Variants in VSIG10 observed in about 807,000 individuals in gnomAD.
VSIG10 encodes the protein V-set and immunoglobulin domain-containing protein 10.
In VSIG10, 48 loss-of-function variants were observed where a neutral mutation model predicts 58.7. The observed-to-expected ratio is 0.82, with a 90% confidence interval of 0.65 to 1.04. VSIG10 has a LOEUF of 1.04. Among genes scored for constraint, VSIG10 ranks in the 50% least tolerant of loss-of-function variants. The pLI, the probability that VSIG10 is intolerant of heterozygous loss-of-function variation, is 0.00. For synonymous variants in VSIG10, 260 were observed against 267.1 expected, an observed-to-expected ratio of 0.97 and a Z score of 0.26; for missense variants, 628 against 670.0, an observed-to-expected ratio of 0.94 and a Z score of 0.69.
Position 118,068,490 on chromosome 12 carries a change from C to A in VSIG10, c.1454G>T (p.Arg485Leu). The change falls in exon 8 of 9, where the codon CGT becomes CTT. Residue 485 changes from arginine (R) to leucine (L), a missense_variant. Transcript: ENST00000359236. ...TTCTTTTGGCAACTCCTCTCTCTCACGTGCTCCCTCCTGTTCCCCTACTGC... is the reference window on the plus strand; with the variant it reads ...TTCTTTTGGCAACTCCTCTCTCTCAAGTGCTCCCTCCTGTTCCCCTACTGC... ...DAAVGEQEGA[R>L]EREELPKEIP... The A allele has an allele frequency of 6.2e-7, 1 of 1,613,558 alleles. No homozygotes were observed. Among genetic ancestry groups the A allele is most frequent in the Non-Finnish European group, 8.5e-7 (1 of 1,179,846 alleles).
intron 1 of VSIG10, 106 bp from the exon 2 acceptor site, chr12:118,095,920 GTTC>G (rs2033438753): frequency 4.0e-6 from 3 of 749,456 alleles, no homozygotes; most frequent in Admixed American, 4.1e-5. Flanking sequence ...TCAGGTATAT[GTTC>G]TTTTTTTTTT....
At position 118,079,590 on chromosome 12, in the gene VSIG10, A is replaced by G; in HGVS notation, c.681T>C (p.Ala227=). The stretch of plus-strand genomic sequence containing the variant: ...ATGCCATCTGTGCCCAGCACTGGGG[A>G]GCTGATGGAGGGGGATCTGCAAAAC... ...ELLVYYPPPS[A]PQCWAQMASG... is the part of the protein sequence containing the mutation. The change falls in exon 4 of 9, where the codon GCT becomes GCC. Residue 227 remains alanine, a synonymous_variant. Coordinates refer to ENST00000359236, the MANE Select transcript of VSIG10 (RefSeq NM_019086.6). 1 of 1,613,904 alleles carries G rather than the reference A, an allele frequency of 6.2e-7. No individual in the cohort carries two copies. Among genetic ancestry groups the G allele is most frequent in the Non-Finnish European group, 8.5e-7 (1 of 1,179,868 alleles).
chr12:118,083,849 C>T (rs147526958), intron 2 of VSIG10, among the ~76,000 whole-genome samples: 5 of 151,162 alleles, frequency 3.3e-5, no homozygotes, highest in African/African-American at 9.7e-5. Flanking sequence ...TGGCCAGGGA[C>T]GGTGGCTCAT....
chr12:118,074,068 CA>C (rs1477292121), intron 4 of VSIG10, 76 bp from the exon 5 acceptor site: 9 of 1,390,772 alleles, frequency 6.5e-6, no homozygotes, highest in Non-Finnish European at 8.6e-6. Flanking sequence ...AGGAAAACTG[CA>C]GTAGTTTTTT....
intron 4 of VSIG10, among the ~76,000 whole-genome samples, chr12:118,077,092 T>G (rs1037763101): frequency 6.6e-6 from 1 of 152,196 alleles, no homozygotes; most frequent in African/African-American, 2.4e-5. Context: ...TATTAGGGTT[T>G]GGACTTGAAC....
intron 1 of VSIG10, among the ~76,000 whole-genome samples, chr12:118,096,118 G>T (rs2033448052): frequency 6.6e-6 from 1 of 151,778 alleles, no homozygotes; most frequent in Non-Finnish European, 1.5e-5. Flanking sequence ...AAGGGACAGG[G>T]TTTCACCACC....
intron 5 of VSIG10, 125 bp from the exon 6 acceptor site, chr12:118,071,594 C>A: frequency 1.2e-6 from 1 of 804,842 alleles, no homozygotes; most frequent in Non-Finnish European, 2.1e-6. Context: ...GGCTTATGAC[C>A]TGTCTGTAAT....
rs1249395251 is a variant in VSIG10, at chr12:118,068,487, TCA to T, written c.1455_1456del (p.Glu488GlyfsTer8). On this transcript the variant is annotated frameshift_variant, in exon 8 of 9. Transcript: ENST00000359236. LOFTEE classifies it high-confidence loss of function. ...TATTTCTTTTGGCAACTCCTCTCTC[TCA>T]CGTGCTCCCTCCTGTTCCCCTACTG... 1 of 1,613,568 alleles carries T rather than the reference TCA, an allele frequency of 6.2e-7. No individual in the cohort carries two copies. The highest frequency in any genetic ancestry group is 1.3e-5 in the African/African-American group (1 of 74,772).
intron 1 of VSIG10, among the ~76,000 whole-genome samples, chr12:118,097,347 C>T (rs2033491239): frequency 6.6e-6 from 1 of 152,236 alleles, no homozygotes; most frequent in Admixed American, 6.5e-5. Flanking sequence ...GGAGCCGTGG[C>T]TCATGCCTGT....
In VSIG10 at chr12:118,064,110, CT is replaced by C. The variant is rs1233087642; in HGVS notation, c.*2528del. 1.3e-5 allele frequency: 2 copies of C among 152,182 alleles called. No homozygotes were observed. Among genetic ancestry groups the C allele is most frequent in the Non-Finnish European group, 2.9e-5 (2 of 68,038 alleles). 9.4% of individuals were successfully genotyped at this position (152,182 alleles called of 1,614,324 possible). On this transcript the variant is annotated 3_prime_UTR_variant, in exon 9 of 9. Transcript: ENST00000359236. ...AACAACTTGGACTTTGCCACACAAA[CT>C]GTAATCCACTGTCAACAAGCTTGTG...
intron 4 of VSIG10, among the ~76,000 whole-genome samples, chr12:118,077,523 T>C (rs1182339520): frequency 6.6e-6 from 1 of 152,180 alleles, no homozygotes; most frequent in Non-Finnish European, 1.5e-5. Flanking sequence ...TTTGTGGTTT[T>C]AATATGTACA....
rs993752735 is a variant in VSIG10 at position 118,065,000 on chromosome 12, G to A, written c.*1639C>T. 4 of 152,182 alleles carry A rather than the reference G, an allele frequency of 2.6e-5. No individual in the cohort carries two copies. Among genetic ancestry groups the A allele is most frequent in the Non-Finnish European group, 4.4e-5 (3 of 68,046 alleles). 9.4% of individuals were successfully genotyped at this position (152,182 alleles called of 1,614,324 possible). A position where few individuals can be genotyped will look rare whatever the true frequency, so the allele number is the denominator to read the frequency against. On this transcript the variant is annotated 3_prime_UTR_variant, in exon 9 of 9. Coordinates refer to ENST00000359236, the MANE Select transcript of VSIG10 (RefSeq NM_019086.6). Reference sequence around the variant, plus strand: ...TTTTCATATTTAGCAAACATCCATTGCACCCTTATAAGGTCCTCGACTTTA... The same window carrying A: ...TTTTCATATTTAGCAAACATCCATTACACCCTTATAAGGTCCTCGACTTTA...
rs1030344556 is a variant in VSIG10, at chr12:118,095,923, C to CTTT, written c.80-112_80-110dup. On this transcript the variant is annotated intron_variant, in intron 1 of 8. Coordinates refer to ENST00000359236, the MANE Select transcript of VSIG10 (RefSeq NM_019086.6). ...TTTTTTTAAAAATCAGGTATATGTT[C>CTTT]TTTTTTTTTTTTTTTTTTTTGAGAC... 2,784 of 754,536 alleles carry CTTT rather than the reference C, an allele frequency of 3.7e-3. 2 individuals carry two copies. The highest frequency in any genetic ancestry group is 4.1e-3 in the Non-Finnish European group (2,216 of 534,650). The allele number at this position is 754,536 out of a possible 1,614,324, so 46.7% of individuals were successfully genotyped here. A position where few individuals can be genotyped will look rare whatever the true frequency, so the allele number is the denominator to read the frequency against.
In VSIG10 at chr12:118,103,868, C is replaced by A; in HGVS notation, c.-197G>T. On this transcript the variant is annotated 5_prime_UTR_variant, in exon 1 of 9. Coordinates refer to ENST00000359236, the MANE Select transcript of VSIG10 (RefSeq NM_019086.6). ...GCCGGCAGCGGAGCTCGGCTGCAGGCTCGGGTCCCCGCTCCCGAGCGCCCT... is the reference window on the plus strand; with the variant it reads ...GCCGGCAGCGGAGCTCGGCTGCAGGATCGGGTCCCCGCTCCCGAGCGCCCT... 6.4e-6 allele frequency: 3 copies of A among 468,026 alleles called. No homozygotes were observed. The highest frequency in any genetic ancestry group is 3.6e-5 in the East Asian group (1 of 27,984). 29.0% of individuals were successfully genotyped at this position (468,026 alleles called of 1,614,324 possible).
chr12:118,092,145 G>A (rs971960144), intron 2 of VSIG10, among the ~76,000 whole-genome samples: 6 of 152,056 alleles, frequency 3.9e-5, no homozygotes, highest in Non-Finnish European at 5.9e-5. Context: ...TGCAACCTCC[G>A]TCTCCCAGCT....
chr12:118,064,519 T>C lies in VSIG10; in HGVS notation c.*2120A>G, dbSNP rs1437762714. 1 of 151,954 alleles carries C rather than the reference T, an allele frequency of 6.6e-6. No individual in the cohort carries two copies. Among genetic ancestry groups the C allele is most frequent in the African/African-American group, 2.4e-5 (1 of 41,364 alleles). The allele number at this position is 151,954 out of a possible 1,614,324, so 9.4% of individuals were successfully genotyped here. A position where few individuals can be genotyped will look rare whatever the true frequency, so the allele number is the denominator to read the frequency against. The stretch of plus-strand genomic sequence containing the variant: ...CTCTGAGTAGTAGACTCTTCAATTC[T>C]GGAATTTGGTTGCCGAAGACTCTAA... On this transcript the variant is annotated 3_prime_UTR_variant, in exon 9 of 9. Coordinates refer to ENST00000359236, the MANE Select transcript of VSIG10 (RefSeq NM_019086.6).
At position 118,064,726 on chromosome 12, in the gene VSIG10, G is replaced by A. The variant is rs2032192452; in HGVS notation, c.*1913C>T. ...CTATTCCTGAGGGGTGCACATTGCA[G>A]CCCACTCTTGAGCTCCCCAGTGTTC... On this transcript the variant is annotated 3_prime_UTR_variant, in exon 9 of 9. Transcript: ENST00000359236. The A allele has an allele frequency of 6.6e-6, 1 of 152,224 alleles. No individual in the cohort carries two copies. The highest frequency in any genetic ancestry group is 2.4e-5 in the African/African-American group (1 of 41,446). 9.4% of individuals were successfully genotyped at this position (152,224 alleles called of 1,614,324 possible).
chr12:118,071,108 C>T lies in VSIG10; in HGVS notation c.1331-41G>A, dbSNP rs372651995. 400 of 1,576,872 alleles carry T rather than the reference C, an allele frequency of 2.5e-4. 1 individual carries two copies. Among genetic ancestry groups the T allele is most frequent in the Non-Finnish European group, 3.2e-4 (368 of 1,159,332 alleles). ...AAAAACCATTAATATCCAGTAACATCCACTTCAACCTGACAGGTTCTTAAT... is the reference window on the plus strand; with the variant it reads ...AAAAACCATTAATATCCAGTAACATTCACTTCAACCTGACAGGTTCTTAAT... On this transcript the variant is annotated intron_variant, in intron 6 of 8. Coordinates refer to ENST00000359236, the MANE Select transcript of VSIG10 (RefSeq NM_019086.6).
At chr12:118,068,961 G>C (rs2032369339) in intron 7 of VSIG10, among the ~76,000 whole-genome samples, 1 of 152,104 alleles carries the variant, frequency 6.6e-6, no homozygotes, top group Non-Finnish European at 1.5e-5. Context: ...GAAGACCCAG[G>C]TAAAGTCCTC....
Sources: gnomAD v4.1 joint callset for allele counts (sites outside exome capture counted in the v4.1 genomes callset) on GRCh38, gnomAD v4.1.1 for gene constraint, MANE v1.5 for transcripts, NCBI Gene and HGNC (gene_info 2026-07-23, HGNC 2026-07-21) for gene names.